GLIS3: variants seen among roughly 807,000 people sequenced by gnomAD.
The protein encoded by GLIS3 is GLIS family zinc finger 3.
Under a neutral mutation model 78.6 loss-of-function variants are expected in GLIS3, and 53 were observed. The ratio of observed to expected loss-of-function variants is 0.67; its 90% CI spans 0.54 to 0.85. The LOEUF (loss-of-function observed/expected upper bound fraction) is 0.85. Among genes scored for constraint, GLIS3 ranks in the 40% least tolerant of loss-of-function variants. GLIS3 has a pLI of 0.00. For synonymous variants in GLIS3, 684 were observed against 509.9 expected (o/e 1.34, Z -4.60); for missense variants, 1,703 against 1,231.1 (o/e 1.38, Z -5.74).
Position 4,017,363 on chromosome 9 carries a change from G to A in GLIS3, c.1711-80174C>T, listed in dbSNP as rs906698499. On this transcript the variant is annotated intron_variant, in intron 4 of 10. Transcript: ENST00000381971. The stretch of plus-strand genomic sequence containing the variant: ...TCAACCAACACAAGATGTAATTTGG[G>A]TGCTGAATGCAAAAGATACAAAGTA... 3.9e-5 allele frequency among the ~76,000 whole-genome samples: 6 copies of A among 152,160 alleles called. No homozygotes were observed. In the South Asian group the frequency reaches 8.3e-4, roughly 21 times the overall value.
chr9:4,223,264 C>G (rs1436275362), intron 2 of GLIS3, among the ~76,000 whole-genome samples: 1 of 152,186 alleles, frequency 6.6e-6, no homozygotes, highest in Non-Finnish European at 1.5e-5. Flanking sequence ...TAAGAAGACT[C>G]AGGACTTACT....
At chr9:4,297,562 G>A (rs1287135613) in intron 1 of GLIS3, among the ~76,000 whole-genome samples, 1 of 152,204 alleles carries the variant, frequency 6.6e-6, no homozygotes, top group Non-Finnish European at 1.5e-5. Flanking sequence ...GAGGAAGTTG[G>A]TTCTGCCGGC....
At position 4,245,917 on chromosome 9, in the gene GLIS3, G is replaced by A. The variant is rs139780679; in HGVS notation, c.388+40121C>T. ...TTTCATATCTTCTATTATTTCCTCC[G>A]GTATTTATTTTTATTTTTTCAGACT... On this transcript the variant is annotated intron_variant, in intron 2 of 10. Coordinates refer to ENST00000381971, the MANE Select transcript of GLIS3 (RefSeq NM_001042413.2). Among the ~76,000 whole-genome samples the A allele has an allele frequency of 1.8e-4, 28 of 152,020 alleles. No individual in the cohort carries two copies. The East Asian group carries it at 3.1e-3, about 17-fold the overall frequency.
At chr9:4,224,442 C>G (rs1020874775) in intron 2 of GLIS3, among the ~76,000 whole-genome samples, 4 of 152,176 alleles carry the variant, frequency 2.6e-5, no homozygotes, top group African/African-American at 9.7e-5. Context: ...CATACACTGT[C>G]CTCTTTATGA....
the GLIS3 span, among the ~76,000 whole-genome samples, chr9:4,465,200 T>A: frequency 2.6e-5 from 4 of 152,216 alleles, no homozygotes; most frequent in African/African-American, 9.6e-5. Context: ...GAAAGGATAA[T>A]CCTGTAAGAA....
At chr9:3,876,045 T>C (rs564185529) in intron 8 of GLIS3, among the ~76,000 whole-genome samples, 4 of 152,306 alleles carry the variant, frequency 2.6e-5, no homozygotes, top group African/African-American at 9.6e-5. Context: ...AGGCACTTTA[T>C]CTACTTAGTT....
At chr9:4,297,949 C>CCGGAGG (rs147410026) in intron 1 of GLIS3, among the ~76,000 whole-genome samples, 45,326 of 151,692 alleles carry the variant, frequency 0.3, 7,073 homozygotes, top group Admixed American at 0.43. Flanking sequence ...AGGGGCGGGT[C>CCGGAGG]CGGAGGCGGA....
the GLIS3 span, among the ~76,000 whole-genome samples, chr9:4,484,248 A>T: frequency 0.81 from 118,703 of 145,654 alleles, 48,511 homozygotes; most frequent in African/African-American, 0.92. Context: ...TATTTTTTTT[A>T]TTTTTTTGAG....
In GLIS3 at chr9:4,172,259, G is replaced by C. The variant is rs938783044; in HGVS notation, c.389-46318C>G. 1.3e-5 allele frequency among the ~76,000 whole-genome samples: 2 copies of C among 152,092 alleles called. 1 individual carries two copies. The highest frequency in any genetic ancestry group is 4.1e-4 in the South Asian group (2 of 4,822). ...AGTGAGCTTTCTTTTCCAGGGTAGTGGCTCAGCTCCAGTCCTCAATATGTG... is the reference window on the plus strand; with the variant it reads ...AGTGAGCTTTCTTTTCCAGGGTAGTCGCTCAGCTCCAGTCCTCAATATGTG... On this transcript the variant is annotated intron_variant, in intron 2 of 10. Coordinates refer to ENST00000381971, the MANE Select transcript of GLIS3 (RefSeq NM_001042413.2).
At chr9:3,971,950 GA>G (rs1191974795) in intron 4 of GLIS3, among the ~76,000 whole-genome samples, 5 of 152,080 alleles carry the variant, frequency 3.3e-5, no homozygotes, top group Non-Finnish European at 5.9e-5. Context: ...GTTTGCTCTG[GA>G]GAAAACAGTG....
chr9:4,330,722 G>GGTTGAGATGGAGA (rs1817673185), intron 2 of GLIS3, among the ~76,000 whole-genome samples: 3 of 152,152 alleles, frequency 2.0e-5, no homozygotes, highest in Non-Finnish European at 2.9e-5. Flanking sequence ...TAGAGATTAA[G>GGTTGAGATGGAGA]TCGGAGGCAA....
the GLIS3 span, among the ~76,000 whole-genome samples, chr9:4,355,062 C>T: frequency 1.4e-5 from 2 of 146,540 alleles, no homozygotes; most frequent in African/African-American, 5.1e-5. Context: ...ACCCGGGAGG[C>T]GGAGGTTGCA....
At position 4,249,985 on chromosome 9, in the gene GLIS3, G is replaced by A. The variant is rs1159706472; in HGVS notation, c.388+36053C>T. ...GGATGAAGCCAACTTGACCGTGGTG[G>A]ATAAGCTTTTTGATGTGCTGCTGGA... On this transcript the variant is annotated intron_variant, in intron 2 of 10. Transcript: ENST00000381971. 3.3e-5 allele frequency among the ~76,000 whole-genome samples: 5 copies of A among 152,298 alleles called. 1 individual carries two copies. The highest frequency in any genetic ancestry group is 7.2e-5 in the African/African-American group (3 of 41,566).
rs112958066 is a variant in GLIS3, at chr9:3,854,744, C to T, written c.2473+1265G>A. On this transcript the variant is annotated intron_variant, in intron 9 of 10. Coordinates refer to ENST00000381971, the MANE Select transcript of GLIS3 (RefSeq NM_001042413.2). Reference sequence around the variant, plus strand: ...TATTTTTAGTAGAGATGGGGTTTTACCATGTTAGCCAGGATGGTCTCGACC... The same window carrying T: ...TATTTTTAGTAGAGATGGGGTTTTATCATGTTAGCCAGGATGGTCTCGACC... Among the ~76,000 whole-genome samples the T allele has an allele frequency of 7.9e-3, 1,202 of 151,526 alleles. 23 individuals are homozygous for T. Among genetic ancestry groups the T allele is most frequent in the African/African-American group, 0.027 (1,107 of 41,260 alleles).
At chr9:4,433,386 C>T in the GLIS3 span, among the ~76,000 whole-genome samples, 2 of 152,030 alleles carry the variant, frequency 1.3e-5, no homozygotes, top group African/African-American at 2.4e-5. Flanking sequence ...AAGCAGAGAT[C>T]GCACCACTTC....
chr9:4,202,887 A>G (rs928542573), intron 2 of GLIS3, among the ~76,000 whole-genome samples: 1 of 152,242 alleles, frequency 6.6e-6, no homozygotes, highest in African/African-American at 2.4e-5. Flanking sequence ...GCTAGGAAAC[A>G]CCATTCTGGA....
At chr9:3,943,592 C>T (rs1184557636) in intron 4 of GLIS3, among the ~76,000 whole-genome samples, 1 of 152,238 alleles carries the variant, frequency 6.6e-6, no homozygotes, top group Admixed American at 6.5e-5. Flanking sequence ...TGAGAGTCCT[C>T]TTAACTTCAG....
chr9:4,061,989 C>T (rs1020345389), intron 4 of GLIS3, among the ~76,000 whole-genome samples: 7 of 152,194 alleles, frequency 4.6e-5, no homozygotes, highest in Non-Finnish European at 1.0e-4. Flanking sequence ...GGCAGGACTC[C>T]TCATCCTCCT....
chr9:4,086,209 T>C (rs1362064128), intron 4 of GLIS3, among the ~76,000 whole-genome samples: 1 of 152,198 alleles, frequency 6.6e-6, no homozygotes, highest in Non-Finnish European at 1.5e-5. Context: ...TCTTTTGGCA[T>C]GTAATTTACT....
Sources: gnomAD v4.1 joint callset for allele counts (sites outside exome capture counted in the v4.1 genomes callset) on GRCh38, gnomAD v4.1.1 for gene constraint, MANE v1.5 for transcripts, NCBI Gene and HGNC (gene_info 2026-07-23, HGNC 2026-07-21) for gene names.